The following TMEM38B variants were observed in gnomAD, a reference collection of about 807,000 sequenced individuals.
TMEM38B encodes transmembrane protein 38B.
TMEM38B carries 24 observed loss-of-function variants against 28.7 expected under a neutral mutation model. That is an observed-to-expected ratio of 0.84 (90% confidence interval 0.61 to 1.18). The LOEUF is 1.18. TMEM38B is among the 50% of genes most tolerant of loss of function. TMEM38B has a pLI of 0.00. For missense variants in TMEM38B, 380 were observed against 350.9 expected (o/e 1.08, Z -0.66); for synonymous variants, 131 against 127.7 (o/e 1.03, Z -0.17).
chr9:105,694,808 G>A (rs763411966), intron 1 of TMEM38B, 36 bp downstream of exon 1: 2 of 1,466,010 alleles, frequency 1.4e-6, no homozygotes, highest in East Asian at 2.5e-5. Flanking sequence ...ACCCCTCAGA[G>A]TGCTCCTGAC....
intron 4 of TMEM38B, among the ~76,000 whole-genome samples, chr9:105,727,371 A>C (rs1281882844): frequency 6.6e-6 from 1 of 152,106 alleles, no homozygotes; most frequent in East Asian, 1.9e-4. Context: ...AGATTCATCC[A>C]TGTTGTAGCA....
chr9:105,700,827 A>T (rs10739210), intron 1 of TMEM38B, among the ~76,000 whole-genome samples: 2 of 151,916 alleles, frequency 1.3e-5, no homozygotes, highest in Non-Finnish European at 2.9e-5. Context: ...GAAAAGTGCA[A>T]AAGTCATAAA....
intron 2 of TMEM38B, among the ~76,000 whole-genome samples, chr9:105,708,789 A>G (rs370473292): frequency 1.3e-5 from 2 of 151,982 alleles, no homozygotes; most frequent in Admixed American, 6.6e-5. Flanking sequence ...CTCTCCCATG[A>G]CTATCACATC....
At chr9:105,751,766 G>T (rs1266403786) in intron 5 of TMEM38B, among the ~76,000 whole-genome samples, 6 of 152,326 alleles carry the variant, frequency 3.9e-5, no homozygotes, top group African/African-American at 1.4e-4. Context: ...CAGCTTTGGA[G>T]AATACAAACA....
intron 4 of TMEM38B, among the ~76,000 whole-genome samples, chr9:105,746,612 A>G (rs912733237): frequency 1.3e-5 from 2 of 152,092 alleles, no homozygotes; most frequent in South Asian, 2.1e-4. Context: ...TTCCAACACT[A>G]TGTTGAATAG....
chr9:105,734,304 C>T (rs142426656), intron 4 of TMEM38B, among the ~76,000 whole-genome samples: 50 of 152,204 alleles, frequency 3.3e-4, no homozygotes, highest in African/African-American at 1.2e-3. Flanking sequence ...GTCAAAATGA[C>T]ACTTGATGTG....
chr9:105,723,941 T>C (rs1424956620), intron 4 of TMEM38B, among the ~76,000 whole-genome samples: 1 of 152,156 alleles, frequency 6.6e-6, no homozygotes, highest in Non-Finnish European at 1.5e-5. Context: ...GTTCAAGCAG[T>C]TCTCCTGCCT....
intron 4 of TMEM38B, among the ~76,000 whole-genome samples, chr9:105,731,621 A>G (rs376422885): frequency 1.3e-5 from 2 of 152,086 alleles, no homozygotes; most frequent in African/African-American, 2.4e-5. Flanking sequence ...CCATGGCCCT[A>G]CAAAGGACAT....
chr9:105,757,397 T>A (rs1442265380), intron 5 of TMEM38B, among the ~76,000 whole-genome samples: 1 of 152,212 alleles, frequency 6.6e-6, no homozygotes, highest in Non-Finnish European at 1.5e-5. Flanking sequence ...TTTCATATAA[T>A]GACTTCTTTT....
In TMEM38B at chr9:105,713,379, C is replaced by A. The variant is rs558280519; in HGVS notation, c.269+7626C>A. On this transcript the variant is annotated intron_variant, in intron 2 of 5. Coordinates refer to ENST00000374692, the MANE Select transcript of TMEM38B (RefSeq NM_018112.3). ...GTTGCAGGCTTGGAGGTGCCTGCTC[C>A]CGCTGCCTGGCCTCTCCCCAATCTT... 5.3e-5 allele frequency among the ~76,000 whole-genome samples: 8 copies of A among 152,322 alleles called. No individual in the cohort carries two copies. In the East Asian group the frequency reaches 1.5e-3, roughly 29 times the overall value.
At chr9:105,712,449 A>G (rs1236222333) in intron 2 of TMEM38B, among the ~76,000 whole-genome samples, 1 of 152,136 alleles carries the variant, frequency 6.6e-6, no homozygotes, top group Admixed American at 6.5e-5. Context: ...GAGCCAGTCG[A>G]TTTGCAGTTT....
intron 3 of TMEM38B, 142 bp from the exon 4 acceptor site, chr9:105,722,392 G>T (rs1836349431): frequency 2.9e-6 from 2 of 697,582 alleles, no homozygotes; most frequent in African/African-American, 1.8e-5. Flanking sequence ...AATGTACAAG[G>T]CAACTTTTTT....
At chr9:105,706,599 C>G (rs1211461933) in intron 2 of TMEM38B, among the ~76,000 whole-genome samples, 1 of 152,098 alleles carries the variant, frequency 6.6e-6, no homozygotes, top group Non-Finnish European at 1.5e-5. Context: ...AAAAGAAAAA[C>G]AAGAATTGGC....
rs1054402392 is a variant in TMEM38B, at chr9:105,774,144, A to G, written c.*64A>G. 1 of 1,348,636 alleles carries G rather than the reference A, an allele frequency of 7.4e-7. No individual in the cohort carries two copies. Among genetic ancestry groups the G allele is most frequent in the African/African-American group, 1.7e-5 (1 of 60,484 alleles). The allele number at this position is 1,348,636 out of a possible 1,614,324, so 83.5% of individuals were successfully genotyped here. ...TCTTATCTACCTGTTATATTGTGCT[A>G]ATTTTTCTATGTATGTGATGTGAAA... On this transcript the variant is annotated 3_prime_UTR_variant, in exon 6 of 6. Transcript: ENST00000374692.
At chr9:105,718,374 G>T (rs951734050) in intron 2 of TMEM38B, among the ~76,000 whole-genome samples, 4 of 151,970 alleles carry the variant, frequency 2.6e-5, no homozygotes, top group Admixed American at 6.6e-5. Flanking sequence ...AAGTAGCTGG[G>T]ATTATAGGCG....
chr9:105,750,746 A>G (rs146779753), intron 5 of TMEM38B, among the ~76,000 whole-genome samples: 81 of 152,286 alleles, frequency 5.3e-4, no homozygotes, highest in African/African-American at 1.9e-3. Context: ...ATTTACCTCT[A>G]TATTTTCTTC....
intron 5 of TMEM38B, chr9:105,758,534 A>G: frequency 4.1e-6 from 5 of 1,222,528 alleles, no homozygotes; most frequent in Non-Finnish European, 4.9e-6. Flanking sequence ...TTACAAGACA[A>G]CAGACTATCC....
intron 1 of TMEM38B, among the ~76,000 whole-genome samples, chr9:105,699,458 T>C (rs1835392388): frequency 6.6e-6 from 1 of 152,216 alleles, no homozygotes; most frequent in Non-Finnish European, 1.5e-5. Context: ...ACTCTGCCAC[T>C]AACAATACCT....
chr9:105,767,575 G>A (rs1276285086), intron 5 of TMEM38B, among the ~76,000 whole-genome samples: 3 of 152,098 alleles, frequency 2.0e-5, no homozygotes, highest in Non-Finnish European at 4.4e-5. Context: ...TCTGAACATG[G>A]TATGTTTCTC....
Sources: gnomAD v4.1 joint callset for allele counts (sites outside exome capture counted in the v4.1 genomes callset) on GRCh38, gnomAD v4.1.1 for gene constraint, MANE v1.5 for transcripts, NCBI Gene and HGNC (gene_info 2026-07-23, HGNC 2026-07-21) for gene names.